The following NLRP5 variants were observed in gnomAD, a reference collection of about 807,000 sequenced individuals.
NLRP5 encodes NACHT, LRR and PYD domains-containing protein 5.
In NLRP5, 93 loss-of-function variants were observed where a neutral mutation model predicts 113.1. The observed-to-expected ratio is 0.82, with a 90% CI of 0.70 to 0.98. NLRP5 has a LOEUF of 0.98. Among genes scored for constraint, NLRP5 ranks in the 50% least tolerant of loss-of-function variants. The pLI, the probability that NLRP5 is intolerant of heterozygous loss-of-function variation, is 0.00. For missense variants in NLRP5, 1,808 were observed against 1,514.3 expected (o/e 1.19, Z -3.22); for synonymous variants, 751 against 600.7 (o/e 1.25, Z -3.66).
intron 3 of NLRP5, among the ~76,000 whole-genome samples, chr19:56,009,339 C>CTAAAAAAAAAA (rs1982087707): frequency 2.3e-5 from 1 of 44,304 alleles, no homozygotes; most frequent in Non-Finnish European, 3.9e-5. Context: ...GACTCCATCT[C>CTAAAAAAAAAA]AAAAAAAAAA....
At chr19:56,050,383 A>G (rs2574762) in intron 11 of NLRP5, 35 bp from the exon 12 acceptor site, 1,545,245 of 1,601,414 alleles carry the variant, frequency 0.96, 746,658 homozygotes, top group Admixed American at 0.98. Context: ...GGGAATGAGC[A>G]TCACGATCTT....
At chr19:56,048,704 T>A (rs1983815375) in intron 11 of NLRP5, among the ~76,000 whole-genome samples, 1 of 152,154 alleles carries the variant, frequency 6.6e-6, no homozygotes, top group Non-Finnish European at 1.5e-5. Context: ...TAGGTGAAGA[T>A]CTTTTTGTGA....
rs1981722151 is a variant in NLRP5 at position 56,003,177 on chromosome 19, G to A, written c.63-539G>A. 2.0e-5 allele frequency among the ~76,000 whole-genome samples: 3 copies of A among 146,796 alleles called. No homozygotes were observed. In the South Asian group the frequency reaches 6.5e-4, roughly 32 times the overall value. ...CCAGTGGTTTTTTGTTTTTTGAGAT[G>A]GAGTTTCACTCTTGTCCAGGCTGGA... On this transcript the variant is annotated intron_variant, in intron 1 of 14. Coordinates refer to ENST00000390649, the MANE Select transcript of NLRP5 (RefSeq NM_153447.4).
the NLRP5 span, among the ~76,000 whole-genome samples, chr19:55,990,390 C>G: frequency 6.6e-6 from 1 of 151,934 alleles, no homozygotes; most frequent in African/African-American, 2.4e-5. Context: ...TTTTTTAACT[C>G]TTCAAAATCC....
chr19:55,999,200 T>A (rs1477807880), upstream of NLRP5, among the ~76,000 whole-genome samples: 1 of 144,762 alleles, frequency 6.9e-6, no homozygotes, highest in East Asian at 2.0e-4. Context: ...CTAAATCTTT[T>A]TTTTTCTTTT....
upstream of NLRP5, among the ~76,000 whole-genome samples, chr19:55,997,889 T>G (rs558929759): frequency 4.4e-4 from 67 of 152,112 alleles, no homozygotes; most frequent in African/African-American, 1.6e-3. Context: ...TTGAAGGATA[T>G]CTAGTCCTGG....
chr19:56,029,381 C>T (rs978449042), intron 7 of NLRP5, among the ~76,000 whole-genome samples: 1 of 152,158 alleles, frequency 6.6e-6, no homozygotes, highest in African/African-American at 2.4e-5. Flanking sequence ...ATTCTCCTGA[C>T]TCAGCCTCTC....
upstream of NLRP5, among the ~76,000 whole-genome samples, chr19:55,998,071 A>G (rs994791832): frequency 6.6e-6 from 1 of 152,166 alleles, no homozygotes; most frequent in African/African-American, 2.4e-5. Flanking sequence ...CACAGAAAAC[A>G]TCTTTTCCTG....
chr19:56,046,202 T>C (rs550150286), intron 11 of NLRP5, among the ~76,000 whole-genome samples: 1 of 152,342 alleles, frequency 6.6e-6, no homozygotes, highest in African/African-American at 2.4e-5. Flanking sequence ...CCTGCATCTA[T>C]TGAAATCACG....
Position 56,032,767 on chromosome 19 carries a change from G to C in NLRP5, c.2433G>C (p.Lys811Asn), listed in dbSNP as rs1983171885. 6.2e-7 allele frequency: 1 copy of C among 1,610,224 alleles called. No homozygotes were observed. The highest frequency in any genetic ancestry group is 1.3e-5 in the African/African-American group (1 of 74,984). Residue 811 changes from lysine to asparagine, a missense_variant, in exon 8 of 15, where the codon AAG becomes AAC. Transcript: ENST00000390649. ...CCAAGCTGAGGCATCCCACCTGCAA[G>C]ATACAGACCCTGATGTAAGGCTGCC...
intron 6 of NLRP5, among the ~76,000 whole-genome samples, chr19:56,024,456 TACA>T (rs1555766894): frequency 3.5e-5 from 5 of 141,818 alleles, no homozygotes; most frequent in African/African-American, 1.4e-4. Flanking sequence ...TATATATACG[TACA>T]TACATATATA....
intron 10 of NLRP5, among the ~76,000 whole-genome samples, chr19:56,039,569 A>G (rs910021233): frequency 2.0e-4 from 31 of 152,116 alleles, no homozygotes; most frequent in African/African-American, 7.2e-4. Context: ...GAAAACACCT[A>G]TCACTCATGT....
rs143445496 is a variant in NLRP5 at position 56,015,600 on chromosome 19, C to T, written c.509-142C>T. On this transcript the variant is annotated intron_variant, in intron 3 of 14. Coordinates refer to ENST00000390649, the MANE Select transcript of NLRP5 (RefSeq NM_153447.4). ...ATGTTACTGGCGCACACTGCCCTGG[C>T]GCTGAGCCAGTGGTTCTGTGCTCTA... The T allele has an allele frequency of 1.0e-4, 54 of 531,420 alleles. 1 individual carries two copies. Among genetic ancestry groups the T allele is most frequent in the African/African-American group, 5.6e-4 (29 of 52,214 alleles). The allele number at this position is 531,420 out of a possible 1,614,324, so 32.9% of individuals were successfully genotyped here.
intron 8 of NLRP5, among the ~76,000 whole-genome samples, chr19:56,033,170 G>C (rs1983188263): frequency 6.6e-6 from 1 of 152,138 alleles, no homozygotes. Flanking sequence ...GGAATTGCCT[G>C]AACCAGGGAG....
chr19:55,990,665 A>G, the NLRP5 span, among the ~76,000 whole-genome samples: 1 of 152,108 alleles, frequency 6.6e-6, no homozygotes, highest in African/African-American at 2.4e-5. Flanking sequence ...TCTCTACTAA[A>G]AATACAAAAA....
chr19:56,053,945 C>T (rs1424046421), intron 13 of NLRP5, 137 bp downstream of exon 13: 6 of 720,486 alleles, frequency 8.3e-6, no homozygotes, highest in Non-Finnish European at 1.2e-5. Context: ...ACCTTCGCAG[C>T]ACCACAGATC....
chr19:56,036,819 T>C (rs1487760335), intron 9 of NLRP5, among the ~76,000 whole-genome samples: 1 of 152,072 alleles, frequency 6.6e-6, no homozygotes, highest in Non-Finnish European at 1.5e-5. Context: ...TAGTCGGGCA[T>C]GATGGCATGC....
At chr19:56,048,540 A>T (rs796164241) in intron 11 of NLRP5, among the ~76,000 whole-genome samples, 1 of 151,556 alleles carries the variant, frequency 6.6e-6, no homozygotes, top group Non-Finnish European at 1.5e-5. Context: ...AGGAACAAAC[A>T]AGGGCCCCAA....
At chr19:56,032,533 TCTC>T in intron 7 of NLRP5, 75 bp from the exon 8 acceptor site, 6 of 1,359,946 alleles carry the variant, frequency 4.4e-6, no homozygotes, top group Admixed American at 2.1e-5. Context: ...GCTCGGTCCC[TCTC>T]CTCCGACGTG....
Sources: allele counts gnomAD v4.1 joint callset (sites outside exome capture counted in the v4.1 genomes callset), GRCh38; gene constraint gnomAD v4.1.1; transcripts MANE v1.5; gene names NCBI Gene and HGNC (gene_info 2026-07-23, HGNC 2026-07-21).